Variants in TEX9 observed in about 807,000 individuals in gnomAD.
TEX9 encodes testis-expressed protein 9.
A neutral mutation model predicts 59.6 loss-of-function variants in TEX9; 74 were observed. The observed-to-expected ratio is 1.24, with a 90% CI of 1.03 to 1.51. TEX9 has a LOEUF of 1.51. Among genes scored for constraint, TEX9 ranks in the 40% most tolerant of loss-of-function variants. The pLI is 0.00. For synonymous variants in TEX9, 186 were observed against 152.2 expected, an observed-to-expected ratio of 1.22 and a Z score of -1.64; for missense variants, 522 against 447.8, an observed-to-expected ratio of 1.17 and a Z score of -1.49.
At chr15:56,371,671 T>C (rs895647698) in intron 2 of TEX9, among the ~76,000 whole-genome samples, 1 of 152,206 alleles carries the variant, frequency 6.6e-6, no homozygotes, top group East Asian at 1.9e-4. Flanking sequence ...TGAGTAAATG[T>C]TCCTATAGGG....
At chr15:56,436,815 C>G (rs1459658354) in intron 12 of TEX9, among the ~76,000 whole-genome samples, 3 of 152,128 alleles carry the variant, frequency 2.0e-5, no homozygotes, top group Non-Finnish European at 2.9e-5. Context: ...TCAGAGAATA[C>G]TATAAACACC....
intron 1 of TEX9, among the ~76,000 whole-genome samples, chr15:56,264,954 T>C (rs1245452142): frequency 6.6e-6 from 1 of 152,196 alleles, no homozygotes; most frequent in African/African-American, 2.4e-5. Context: ...GTTCCACTGT[T>C]GTTTATGTCT....
intron 1 of TEX9, among the ~76,000 whole-genome samples, chr15:56,336,683 G>A (rs577383368): frequency 1.3e-5 from 2 of 152,266 alleles, no homozygotes; most frequent in South Asian, 4.1e-4. Context: ...AGAATGATTG[G>A]GCAGCTGGAG....
At chr15:56,319,972 T>A (rs1276791665) in intron 1 of TEX9, among the ~76,000 whole-genome samples, 2 of 152,138 alleles carry the variant, frequency 1.3e-5, no homozygotes, top group African/African-American at 4.8e-5. Context: ...AGGAGGTATA[T>A]CAGGCTGAAC....
chr15:56,409,251 C>T (rs2049231620), intron 9 of TEX9, among the ~76,000 whole-genome samples: 2 of 152,056 alleles, frequency 1.3e-5, no homozygotes, highest in African/African-American at 4.8e-5. Flanking sequence ...TGCATACACA[C>T]TTAAAATCCT....
intron 10 of TEX9, among the ~76,000 whole-genome samples, chr15:56,420,133 T>C (rs2049903171): frequency 6.6e-6 from 1 of 151,816 alleles, no homozygotes; most frequent in Admixed American, 6.6e-5. Context: ...CCTCTCATTC[T>C]TGTATTGGTA....
chr15:56,429,677 A>AAGCAAACCCTTTGGAG, intron 12 of TEX9: 1 of 152,100 alleles, frequency 6.6e-6, no homozygotes, highest in Non-Finnish European at 1.5e-5. Flanking sequence ...ACCCTTTGGA[A>AAGCAAACCCTTTGGAG]TTCTTCACTG....
chr15:56,274,536 A>G lies in TEX9; in HGVS notation c.-107+30258A>G, dbSNP rs190996681. 7.9e-5 allele frequency: 12 copies of G among 152,046 alleles called. No individual in the cohort carries two copies. The East Asian group carries it at 2.3e-3, about 29-fold the overall frequency. 9.4% of individuals were successfully genotyped at this position (152,046 alleles called of 1,614,324 possible). On this transcript the variant is annotated intron_variant, in intron 1 of 5. Transcript: ENST00000560827. ...TATATGTCTCTTTCTCTCTTTTTTA[A>G]TGAAATGCTTCATGAATTTGTCTGT...
intron 3 of TEX9, among the ~76,000 whole-genome samples, chr15:56,375,523 G>C (rs1162273254): frequency 7.3e-5 from 11 of 151,244 alleles, no homozygotes; most frequent in Admixed American, 4.0e-4. Context: ...AGTTTAATTA[G>C]ATCCCATTTG....
At chr15:56,429,366 T>TA (rs1396937518) in intron 12 of TEX9, 1 of 540,062 alleles carries the variant, frequency 1.9e-6, no homozygotes, top group East Asian at 3.4e-5. Context: ...AGACTTTACA[T>TA]ATATATTGAA....
chr15:56,341,398 C>G (rs1455125460), intron 1 of TEX9, among the ~76,000 whole-genome samples: 2 of 152,156 alleles, frequency 1.3e-5, no homozygotes, highest in Non-Finnish European at 2.9e-5. Context: ...TTTAACGTAT[C>G]TTGAATTATC....
At chr15:56,433,403 T>C (rs966758896) in intron 12 of TEX9, among the ~76,000 whole-genome samples, 1 of 108,580 alleles carries the variant, frequency 9.2e-6, no homozygotes, top group African/African-American at 3.6e-5. Flanking sequence ...GTTCTGCACA[T>C]GCATCCTGGA....
At chr15:56,338,699 C>A (rs1446279423) in intron 1 of TEX9, among the ~76,000 whole-genome samples, 1 of 152,100 alleles carries the variant, frequency 6.6e-6, no homozygotes, top group African/African-American at 2.4e-5. Context: ...GGTGGATCAC[C>A]TGAGGTCAGG....
intron 1 of TEX9, among the ~76,000 whole-genome samples, chr15:56,353,313 T>A (rs538806212): frequency 6.6e-6 from 1 of 152,226 alleles, no homozygotes; most frequent in Non-Finnish European, 1.5e-5. Context: ...CTAAGGATGC[T>A]ACAAAAAATA....
chr15:56,426,626 T>TATATATAC (rs1214988827), intron 10 of TEX9, among the ~76,000 whole-genome samples: 61 of 47,144 alleles, frequency 1.3e-3, no homozygotes, highest in African/African-American at 2.1e-3. Context: ...TATATATATA[T>TATATATAC]ACACACACAC....
intron 1 of TEX9, among the ~76,000 whole-genome samples, chr15:56,290,883 TG>T (rs2045074692): frequency 6.6e-6 from 1 of 152,158 alleles, no homozygotes; most frequent in Admixed American, 6.5e-5. Flanking sequence ...TAGCTGTCAT[TG>T]TTTTTTTATG....
chr15:56,424,180 A>T (rs2050132426), intron 10 of TEX9, among the ~76,000 whole-genome samples: 1 of 152,124 alleles, frequency 6.6e-6, no homozygotes, highest in East Asian at 1.9e-4. Flanking sequence ...TACATATATA[A>T]TTGTATCTAT....
At chr15:56,298,195 A>G (rs530433190) in intron 1 of TEX9, among the ~76,000 whole-genome samples, 5 of 152,324 alleles carry the variant, frequency 3.3e-5, no homozygotes, top group African/African-American at 1.2e-4. Flanking sequence ...CCCTGTTTTC[A>G]TTCTAAATTT....
chr15:56,356,127 G>T (rs1388621557), intron 1 of TEX9, among the ~76,000 whole-genome samples: 1 of 152,018 alleles, frequency 6.6e-6, no homozygotes, highest in African/African-American at 2.4e-5. Flanking sequence ...CAATTGATTG[G>T]CCTCGTTATA....
Sources: allele counts gnomAD v4.1 joint callset (sites outside exome capture counted in the v4.1 genomes callset), GRCh38; gene constraint gnomAD v4.1.1; transcripts MANE v1.5; gene names NCBI Gene and HGNC (gene_info 2026-07-23, HGNC 2026-07-21).